Variants in FER observed in about 807,000 individuals in gnomAD.
FER encodes the protein FER tyrosine kinase.
Under a neutral mutation model 111.0 loss-of-function variants are expected in FER, and 63 were observed. The ratio of observed to expected loss-of-function variants is 0.57; its 90% confidence interval spans 0.46 to 0.70. The LOEUF is 0.70. Ranked by LOEUF, FER falls within the 30% of genes least tolerant of loss-of-function variation. The probability of loss-of-function intolerance (pLI) is 0.00; values close to 1 mark genes in which losing one functional copy is unlikely to be tolerated. For missense variants in FER, 914 were observed against 954.0 expected, an observed-to-expected ratio of 0.96 and a Z score of 0.55; for synonymous variants, 327 against 313.9, an observed-to-expected ratio of 1.04 and a Z score of -0.44.
chr5:108,800,074 C>A (rs191842997), intron 3 of FER, among the ~76,000 whole-genome samples: 5 of 151,998 alleles, frequency 3.3e-5, no homozygotes, highest in African/African-American at 1.2e-4. Flanking sequence ...AACTCCTGAC[C>A]TCAAATGATC....
At chr5:109,137,542 TA>T (rs769149955) in intron 17 of FER, among the ~76,000 whole-genome samples, 7 of 152,158 alleles carry the variant, frequency 4.6e-5, no homozygotes, top group Non-Finnish European at 8.8e-5. Flanking sequence ...AATAAAGTCC[TA>T]GGGGGGAACT....
At chr5:108,946,984 A>G (rs956838802) in intron 11 of FER, among the ~76,000 whole-genome samples, 20 of 151,958 alleles carry the variant, frequency 1.3e-4, no homozygotes, top group African/African-American at 4.3e-4. Flanking sequence ...TCCATTTATA[A>G]TTCTTCCAAG....
chr5:109,143,061 C>T (rs1301914146), intron 17 of FER, among the ~76,000 whole-genome samples: 1 of 152,066 alleles, frequency 6.6e-6, no homozygotes, highest in East Asian at 1.9e-4. Flanking sequence ...TTAATTTAGG[C>T]AAGGACCCAT....
chr5:108,907,588 C>T (rs1228190684), intron 10 of FER, among the ~76,000 whole-genome samples: 5 of 151,838 alleles, frequency 3.3e-5, no homozygotes, highest in South Asian at 2.1e-4. Context: ...CCCCTGGGCC[C>T]GGCCACAGTT....
intron 17 of FER, among the ~76,000 whole-genome samples, chr5:109,149,967 G>A (rs1215963051): frequency 6.6e-6 from 1 of 152,166 alleles, no homozygotes; most frequent in African/African-American, 2.4e-5. Context: ...ATTCTCAAAG[G>A]AGTGTGAACC....
rs1750532678 is a variant in FER at position 108,904,867 on chromosome 5, G to GAGA, written c.1236+7019_1236+7020insAGA. 2.0e-5 allele frequency among the ~76,000 whole-genome samples: 3 copies of GAGA among 152,058 alleles called. No homozygotes were observed. In the South Asian group the frequency reaches 6.2e-4, roughly 32 times the overall value. On this transcript the variant is annotated intron_variant, in intron 10 of 19. Coordinates refer to ENST00000281092, the MANE Select transcript of FER (RefSeq NM_005246.4). The stretch of plus-strand genomic sequence containing the variant: ...AATTTTTGCTTCCAGCTTTTCTGTG[G>GAGA]CATGAATTTTACCATGCTGAACTTC...
intron 13 of FER, among the ~76,000 whole-genome samples, chr5:108,983,138 A>C (rs1391846949): frequency 6.6e-6 from 1 of 152,028 alleles, no homozygotes; most frequent in African/African-American, 2.4e-5. Flanking sequence ...AATCTTGATG[A>C]GATGCTATGA....
At chr5:108,894,531 C>G (rs1234687208) in intron 9 of FER, 3 of 396,500 alleles carry the variant, frequency 7.6e-6, no homozygotes, top group Non-Finnish European at 1.5e-5. Flanking sequence ...GTTGAGATAC[C>G]GATCCACAGA....
rs141252882 is a variant in FER at position 109,186,276 on chromosome 5, G to A, written c.2280G>A (p.Pro760=). The part of the protein sequence containing the change: ...LWETFSLGVC[P]YPGMTNQQAR... ...AGACCTTCAGCTTAGGGGTTTGTCC[G>A]TACCCTGGAATGACAAATCAGCAAG... Residue 760 remains proline, a synonymous_variant, in exon 19 of 20, where the codon CCG becomes CCA. Coordinates refer to ENST00000281092, the MANE Select transcript of FER (RefSeq NM_005246.4). 55 of 1,614,032 alleles carry A rather than the reference G, an allele frequency of 3.4e-5. No individual in the cohort carries two copies. Among genetic ancestry groups the A allele is most frequent in the African/African-American group, 3.3e-4 (25 of 74,996 alleles).
intron 10 of FER, among the ~76,000 whole-genome samples, chr5:108,903,223 A>C (rs1464412685): frequency 6.6e-6 from 1 of 152,306 alleles, no homozygotes; most frequent in South Asian, 2.1e-4. Context: ...GAAATTGCAC[A>C]TTTTGTTTAA....
chr5:108,839,984 T>C (rs995517606), intron 5 of FER, among the ~76,000 whole-genome samples: 4 of 152,124 alleles, frequency 2.6e-5, no homozygotes, highest in African/African-American at 9.7e-5. Context: ...ACAAGCAGCC[T>C]CTCATTTTAT....
intron 3 of FER, among the ~76,000 whole-genome samples, chr5:108,815,078 G>C (rs1758145660): frequency 6.6e-6 from 1 of 152,006 alleles, no homozygotes; most frequent in South Asian, 2.1e-4. Flanking sequence ...AGGAGTCCTG[G>C]TTTCTTTTAG....
rs1758852234 is a variant in FER, at chr5:109,186,212, CAG to C, written c.2221_2222del (p.Ser741Ter). 1.2e-6 allele frequency: 2 copies of C among 1,613,960 alleles called. No homozygotes were observed. The highest frequency in any genetic ancestry group is 1.3e-5 in the African/African-American group (1 of 74,914). On this transcript the variant is annotated frameshift_variant, in exon 19 of 20. Coordinates refer to ENST00000281092, the MANE Select transcript of FER (RefSeq NM_005246.4). LOFTEE classifies it high-confidence loss of function. ...GTTCCTCTTCCAGGGAGATACAGTT[CAG>C]AGAGTGACGTGTGGAGCTTTGGCAT...
At chr5:108,934,517 G>C (rs945173881) in intron 10 of FER, among the ~76,000 whole-genome samples, 14 of 151,966 alleles carry the variant, frequency 9.2e-5, no homozygotes, top group African/African-American at 3.4e-4. Flanking sequence ...TTTTTGTCTT[G>C]GGAGTTCGTT....
chr5:109,092,301 A>AT (rs1746896262), intron 16 of FER, among the ~76,000 whole-genome samples: 1 of 148,326 alleles, frequency 6.7e-6, no homozygotes, highest in Non-Finnish European at 1.5e-5. Flanking sequence ...AAAAAAAAAA[A>AT]AAAAAAAAAA....
At chr5:109,165,953 C>T (rs1756512108) in intron 17 of FER, among the ~76,000 whole-genome samples, 1 of 152,000 alleles carries the variant, frequency 6.6e-6, no homozygotes, top group Non-Finnish European at 1.5e-5. Context: ...TATGGCAGGA[C>T]CACAAGGCAG....
At chr5:108,913,218 G>A (rs1751798247) in intron 10 of FER, among the ~76,000 whole-genome samples, 1 of 152,044 alleles carries the variant, frequency 6.6e-6, no homozygotes, top group African/African-American at 2.4e-5. Context: ...ACAGTACCTG[G>A]CAAAGAGTAG....
chr5:108,855,368 C>T (rs1762897801), intron 5 of FER, among the ~76,000 whole-genome samples: 1 of 150,486 alleles, frequency 6.6e-6, no homozygotes, highest in Non-Finnish European at 1.5e-5. Context: ...CGCGGTGGCT[C>T]ACGCCTGTAA....
chr5:109,108,744 T>C (rs1749249843), intron 17 of FER, among the ~76,000 whole-genome samples: 1 of 152,176 alleles, frequency 6.6e-6, no homozygotes, highest in South Asian at 2.1e-4. Flanking sequence ...TTAGTCTTGA[T>C]CAAATTCTGG....
Sources: gnomAD v4.1 joint callset for allele counts (sites outside exome capture counted in the v4.1 genomes callset) on GRCh38, gnomAD v4.1.1 for gene constraint, MANE v1.5 for transcripts, NCBI Gene and HGNC (gene_info 2026-07-23, HGNC 2026-07-21) for gene names.